CSMD3: variants seen among roughly 807,000 people sequenced by gnomAD.
CSMD3 encodes the protein CUB and Sushi multiple domains 3.
Under a neutral mutation model 435.2 loss-of-function variants are expected in CSMD3, and 177 were observed. The observed-to-expected ratio is 0.41, with a 90% CI of 0.36 to 0.46. CSMD3 has a LOEUF of 0.46. CSMD3 is among the 20% of genes least tolerant of loss of function. The pLI is 0.34. For missense variants in CSMD3, 4,265 were observed against 4,504.6 expected (o/e 0.95, Z 1.52); for synonymous variants, 1,656 against 1,520.5 (o/e 1.09, Z -2.07).
intron 3 of CSMD3, among the ~76,000 whole-genome samples, chr8:113,208,035 C>T (rs2092791013): frequency 6.6e-6 from 1 of 152,088 alleles, no homozygotes; most frequent in Non-Finnish European, 1.5e-5. Context: ...ATCAAGTCTG[C>T]AGAATTAGGT....
chr8:113,175,842 G>A (rs564916626), intron 3 of CSMD3, among the ~76,000 whole-genome samples: 1 of 152,078 alleles, frequency 6.6e-6, no homozygotes, highest in Non-Finnish European at 1.5e-5. Flanking sequence ...ATTAAGGTCA[G>A]GACTTCAATT....
intron 4 of CSMD3, among the ~76,000 whole-genome samples, chr8:113,168,716 C>A (rs1291560689): frequency 1.3e-5 from 2 of 151,710 alleles, no homozygotes; most frequent in Non-Finnish European, 2.9e-5. Context: ...AGAAATATGG[C>A]ACCAAATTAT....
chr8:112,352,912 A>T (rs1826259229), intron 38 of CSMD3, among the ~76,000 whole-genome samples: 1 of 151,952 alleles, frequency 6.6e-6, no homozygotes, highest in Non-Finnish European at 1.5e-5. Flanking sequence ...ATAATACTTT[A>T]AAAACATTCT....
At chr8:112,730,653 C>T (rs936811744) in intron 13 of CSMD3, among the ~76,000 whole-genome samples, 1 of 152,212 alleles carries the variant, frequency 6.6e-6, no homozygotes. Context: ...AACTTGCTCA[C>T]GGTATTCAAC....
At chr8:113,265,363 AG>A (rs1174810374) in intron 3 of CSMD3, among the ~76,000 whole-genome samples, 1 of 151,620 alleles carries the variant, frequency 6.6e-6, no homozygotes, top group African/African-American at 2.4e-5. Context: ...TATTAACAAA[AG>A]TTTGATATGC....
intron 1 of CSMD3, among the ~76,000 whole-genome samples, chr8:113,413,538 C>G (rs2094568702): frequency 6.6e-6 from 1 of 152,074 alleles, no homozygotes; most frequent in Non-Finnish European, 1.5e-5. Flanking sequence ...TTATTACAAA[C>G]AGAAAAATTA....
At chr8:113,017,465 CATATAA>C (rs1215765768) in intron 6 of CSMD3, among the ~76,000 whole-genome samples, 1 of 151,774 alleles carries the variant, frequency 6.6e-6, no homozygotes, top group East Asian at 1.9e-4. Context: ...CCAGTTTCTA[CATATAA>C]ATATAAAATA....
chr8:112,981,600 T>A (rs1441736423), intron 6 of CSMD3, among the ~76,000 whole-genome samples: 3 of 151,652 alleles, frequency 2.0e-5, no homozygotes, highest in African/African-American at 7.2e-5. Flanking sequence ...ATATTTGCAA[T>A]TCAATCTGAA....
intron 16 of CSMD3, among the ~76,000 whole-genome samples, chr8:112,669,252 A>C (rs1192571884): frequency 1.3e-5 from 2 of 151,972 alleles, no homozygotes; most frequent in Non-Finnish European, 2.9e-5. Flanking sequence ...GCTGGTCTTG[A>C]ACTTCTGATC....
intron 22 of CSMD3, among the ~76,000 whole-genome samples, chr8:112,605,623 G>A (rs1343986875): frequency 1.3e-5 from 2 of 148,250 alleles, no homozygotes; most frequent in African/African-American, 5.0e-5. Context: ...CAAAGTGAAG[G>A]GTGGGAGGGC....
In CSMD3 at chr8:112,292,690, C is replaced by G. The variant is rs775592980; in HGVS notation, c.8635G>C (p.Gly2879Arg). 1.5e-5 allele frequency: 24 copies of G among 1,613,606 alleles called. No individual in the cohort carries two copies. The highest frequency in any genetic ancestry group is 1.9e-5 in the Non-Finnish European group (23 of 1,179,760). Residue 2879 changes from glycine to arginine, a missense_variant, in exon 55 of 71, where the codon GGT becomes CGT. Around this residue, in one of 3 missense-constraint regions of CSMD3, gnomAD observed 3,255 missense variants for 3,380.2 expected, o/e 0.96. Transcript: ENST00000297405. ...SCVPVSCGHP[G>R]SPIYGRTSGN... The stretch of plus-strand genomic sequence containing the variant: ...CTTGTTCTTCCATAAATTGGACTAC[C>G]AGGGTGACCACAGCTAACAGCTAAT...
chr8:113,177,022 G>T lies in CSMD3; in HGVS notation c.515-3106C>A, dbSNP rs540257869. Among the ~76,000 whole-genome samples the T allele has an allele frequency of 2.0e-5, 3 of 151,460 alleles. No individual in the cohort carries two copies. The East Asian group carries it at 5.8e-4, about 29-fold the overall frequency. On this transcript the variant is annotated intron_variant, in intron 3 of 70. Transcript: ENST00000297405. ...AGTATTTACAGTAAGTGATGATATT[G>T]CTTAAAATACATAAAATTACAGATT...
In CSMD3 at chr8:113,346,965, C is replaced by G. The variant is rs557991512; in HGVS notation, c.179-32172G>C. On this transcript the variant is annotated intron_variant, in intron 1 of 70. Transcript: ENST00000297405. ...TATGAGAAAATGGAGATACTCCAGG[C>G]AATGAAATTCATCCAGAGTAATATA... Among the ~76,000 whole-genome samples, 118 of 152,090 alleles carry G rather than the reference C, an allele frequency of 7.8e-4. 1 individual carries two copies. Among genetic ancestry groups the G allele is most frequent in the African/African-American group, 2.7e-3 (114 of 41,534 alleles).
At chr8:112,726,073 C>T (rs867833184) in intron 13 of CSMD3, among the ~76,000 whole-genome samples, 4 of 151,850 alleles carry the variant, frequency 2.6e-5, no homozygotes, top group African/African-American at 9.7e-5. Flanking sequence ...GGAGAATGAA[C>T]GCAGGAGGAA....
intron 3 of CSMD3, among the ~76,000 whole-genome samples, chr8:113,257,700 A>T (rs938492218): frequency 3.9e-5 from 6 of 152,210 alleles, no homozygotes; most frequent in Non-Finnish European, 7.4e-5. Flanking sequence ...CAACATCAGG[A>T]AATTAGATAA....
intron 5 of CSMD3, among the ~76,000 whole-genome samples, chr8:113,071,473 C>T (rs910300361): frequency 6.6e-6 from 1 of 151,864 alleles, no homozygotes; most frequent in Non-Finnish European, 1.5e-5. Flanking sequence ...GTCTTTAATA[C>T]ATTTTGAGTT....
intron 4 of CSMD3, among the ~76,000 whole-genome samples, chr8:113,156,677 G>T (rs1204705440): frequency 6.6e-6 from 1 of 151,434 alleles, no homozygotes; most frequent in Non-Finnish European, 1.5e-5. Context: ...GAGGAAGGTG[G>T]ATCACATGAG....
At chr8:113,399,106 T>TATATATACACACAC (rs773585004) in intron 1 of CSMD3, among the ~76,000 whole-genome samples, 126 of 95,052 alleles carry the variant, frequency 1.3e-3, no homozygotes, top group Non-Finnish European at 1.5e-3. Flanking sequence ...TATATATATA[T>TATATATACACACAC]ACACACACAC....
At chr8:112,370,029 A>AGAGGAAGAAGAAGAGGAAGAAGAG (rs1160457546) in intron 38 of CSMD3, among the ~76,000 whole-genome samples, 1 of 62,552 alleles carries the variant, frequency 1.6e-5, no homozygotes, top group Non-Finnish European at 4.0e-5. Flanking sequence ...AAGAGGAAGA[A>AGAGGAAGAAGAAGAGGAAGAAGAG]GAAGAAGAAG....
Sources: allele counts gnomAD v4.1 joint callset (sites outside exome capture counted in the v4.1 genomes callset), GRCh38; gene constraint gnomAD v4.1.1; regional missense constraint gnomAD v4.1.1; transcripts MANE v1.5; gene names NCBI Gene and HGNC (gene_info 2026-07-23, HGNC 2026-07-21).